The following C2CD2 variants were observed in gnomAD, a reference collection of about 807,000 sequenced individuals.
The protein encoded by C2CD2 is C2 calcium dependent domain containing 2, also known as C2 domain-containing protein 2.
Under a neutral mutation model 74.3 loss-of-function variants are expected in C2CD2, and 43 were observed. The observed-to-expected ratio is 0.58, with a 90% CI of 0.45 to 0.75. The LOEUF (loss-of-function observed/expected upper bound fraction) is 0.75. Ranked by LOEUF, C2CD2 falls within the 30% of genes least tolerant of loss-of-function variation. The pLI, the probability that C2CD2 is intolerant of heterozygous loss-of-function variation, is 0.00. For synonymous variants in C2CD2, 422 were observed against 390.7 expected (o/e 1.08, Z -0.94); for missense variants, 801 against 916.3 (o/e 0.87, Z 1.63).
In C2CD2 at chr21:41,885,326, C is replaced by T. The variant is rs3168; in HGVS notation, c.*3798G>A. 0.85 allele frequency: 130,239 copies of T among 152,464 alleles called. 55,840 individuals are homozygous for T. The highest frequency in any genetic ancestry group is 0.9 in the African/African-American group (37,528 of 41,510). The allele number at this position is 152,464 out of a possible 1,614,324, so 9.4% of individuals were successfully genotyped here. A position where few individuals can be genotyped will look rare whatever the true frequency, so the allele number is the denominator to read the frequency against. On this transcript the variant is annotated 3_prime_UTR_variant, in exon 14 of 14. Coordinates refer to ENST00000380486, the MANE Select transcript of C2CD2 (RefSeq NM_015500.2). ...TTCCGTGGACCTGGAAAACCTGCCACTTTCTTCTCTTTTTACAATGCAGTT... is the reference window on the plus strand; with the variant it reads ...TTCCGTGGACCTGGAAAACCTGCCATTTTCTTCTCTTTTTACAATGCAGTT...
chr21:41,953,302 A>G (rs1055525023), intron 1 of C2CD2, 68 bp downstream of exon 1: 118 of 1,126,820 alleles, frequency 1.0e-4, no homozygotes, highest in Non-Finnish European at 1.3e-4. Flanking sequence ...CGCCTCCAGG[A>G]AAGACCTCGG....
chr21:41,951,994 G>A (rs1343746667), intron 1 of C2CD2, among the ~76,000 whole-genome samples: 2 of 152,200 alleles, frequency 1.3e-5, no homozygotes, highest in Non-Finnish European at 1.5e-5. Context: ...AGCCTCAGAA[G>A]CCTTGATTCC....
chr21:41,904,871 GA>G (rs1321205381), intron 11 of C2CD2, among the ~76,000 whole-genome samples: 1 of 152,212 alleles, frequency 6.6e-6, no homozygotes, highest in Non-Finnish European at 1.5e-5. Flanking sequence ...GGCAAAGGGA[GA>G]AAGTTAATCC....
intron 1 of C2CD2, among the ~76,000 whole-genome samples, chr21:41,943,646 C>A (rs973930080): frequency 1.3e-5 from 2 of 152,152 alleles, no homozygotes; most frequent in Non-Finnish European, 2.9e-5. Flanking sequence ...AGAGGGGAAG[C>A]GGTGTAAAAC....
chr21:41,929,096 A>T lies in C2CD2; in HGVS notation c.379-7011T>A, dbSNP rs868624898. On this transcript the variant is annotated intron_variant, in intron 2 of 13. Coordinates refer to ENST00000380486, the MANE Select transcript of C2CD2 (RefSeq NM_015500.2). The surrounding 1 kb of genome is among the most constrained non-coding windows in gnomAD (Gnocchi z 4.6). ...GAGATCCCACCTCTAAAAAATATTT[A>T]AAAAGTAAAAAAAAAAAAAAGTAAT... 1.3e-5 allele frequency among the ~76,000 whole-genome samples: 2 copies of T among 150,760 alleles called. No individual in the cohort carries two copies. Among genetic ancestry groups the T allele is most frequent in the South Asian group, 4.2e-4 (2 of 4,802 alleles).
chr21:41,889,551 G>A (rs551642925), intron 13 of C2CD2, among the ~76,000 whole-genome samples: 51 of 152,236 alleles, frequency 3.4e-4, no homozygotes, highest in African/African-American at 1.2e-3. Context: ...AAAAGGAAAC[G>A]AGATTATAAC....
chr21:41,931,517 G>T lies in C2CD2; in HGVS notation c.379-9432C>A, dbSNP rs1235939627. On this transcript the variant is annotated intron_variant, in intron 2 of 13. Transcript: ENST00000380486. ...GGCTCACTGCAACCTCTGCTTCCCAGATTCAAGCAATTCCCCTGCCTCAGC... is the reference window on the plus strand; with the variant it reads ...GGCTCACTGCAACCTCTGCTTCCCATATTCAAGCAATTCCCCTGCCTCAGC... Among the ~76,000 whole-genome samples the T allele has an allele frequency of 4.8e-5, 7 of 147,264 alleles. 1 individual carries two copies. Among genetic ancestry groups the T allele is most frequent in the Non-Finnish European group, 9.1e-5 (6 of 66,280 alleles).
rs2064708910 is a variant in C2CD2 at position 41,888,452 on chromosome 21, AAC to A, written c.*670_*671del. On this transcript the variant is annotated 3_prime_UTR_variant, in exon 14 of 14. Transcript: ENST00000380486. ...TCCACTTGCAAGTAGGCTCAAAGTAAACTTAGAAAAGTGTTCTGCATACTATG... is the reference window on the plus strand; with the variant it reads ...TCCACTTGCAAGTAGGCTCAAAGTAATTAGAAAAGTGTTCTGCATACTATG... The A allele has an allele frequency of 6.5e-6, 1 of 152,696 alleles. No individual in the cohort carries two copies. Among genetic ancestry groups the A allele is most frequent in the Admixed American group, 6.5e-5 (1 of 15,280 alleles). The allele number at this position is 152,696 out of a possible 1,614,324, so 9.5% of individuals were successfully genotyped here.
chr21:41,907,874 C>G (rs2064982938), intron 8 of C2CD2, 90 bp from the exon 9 acceptor site: 15 of 1,378,934 alleles, frequency 1.1e-5, no homozygotes, highest in Non-Finnish European at 1.3e-5. Context: ...GCAGCCGGAA[C>G]ACGCTCCTCC....
chr21:41,896,422 T>C (rs987672493), intron 13 of C2CD2, among the ~76,000 whole-genome samples: 9 of 152,118 alleles, frequency 5.9e-5, no homozygotes, highest in Non-Finnish European at 1.2e-4. Context: ...AAGTTTTTTT[T>C]CCGAAAACCT....
chr21:41,921,422 G>A (rs2065152659), intron 3 of C2CD2, among the ~76,000 whole-genome samples: 1 of 152,182 alleles, frequency 6.6e-6, no homozygotes, highest in African/African-American at 2.4e-5. Flanking sequence ...AGATCCGTAA[G>A]TCTCTCTCTA....
chr21:41,953,241 G>A (rs2065464736), intron 1 of C2CD2, 129 bp downstream of exon 1: 2 of 491,396 alleles, frequency 4.1e-6, no homozygotes, highest in Admixed American at 4.4e-5. Flanking sequence ...TCTCGAGGAT[G>A]GTCTGCGCTG....
intron 3 of C2CD2, among the ~76,000 whole-genome samples, chr21:41,920,724 C>A (rs2065146410): frequency 6.6e-6 from 1 of 152,212 alleles, no homozygotes; most frequent in Non-Finnish European, 1.5e-5. Flanking sequence ...ATATTGGTTC[C>A]TAACTGTGTT....
chr21:41,933,540 G>A (rs1044149700), intron 2 of C2CD2, among the ~76,000 whole-genome samples: 2 of 152,196 alleles, frequency 1.3e-5, no homozygotes, highest in African/African-American at 4.8e-5. Flanking sequence ...TAAGCTGGCT[G>A]GATGCCTTTG....
rs1452191196 is a variant in C2CD2 at position 41,918,099 on chromosome 21, G to C, written c.720+6C>G. On this transcript the variant is annotated splice_donor_region_variant and intron_variant, in intron 5 of 13. Coordinates refer to ENST00000380486, the MANE Select transcript of C2CD2 (RefSeq NM_015500.2). ...AGATGCACCCACAGCACCCAGATGA[G>C]TTTACCTGAGCTTCCTTTACAGTCG... is the stretch of plus-strand genomic sequence containing the variant. 6.2e-7 allele frequency: 1 copy of C among 1,614,142 alleles called. No individual in the cohort carries two copies.
chr21:41,953,892 G>T lies in C2CD2; in HGVS notation c.-244C>A. The T allele has an allele frequency of 4.8e-6, 1 of 209,962 alleles. No homozygotes were observed. The highest frequency in any genetic ancestry group is 9.2e-6 in the Non-Finnish European group (1 of 108,436). The allele number at this position is 209,962 out of a possible 1,614,324, so 13.0% of individuals were successfully genotyped here. On this transcript the variant is annotated 5_prime_UTR_variant, in exon 1 of 14. Coordinates refer to ENST00000380486, the MANE Select transcript of C2CD2 (RefSeq NM_015500.2). ...CACCTGCGGAACAGGGGCGCGAGCGGACCCCGCGGCCCGCGCTCCCGACTC... is the reference window on the plus strand; with the variant it reads ...CACCTGCGGAACAGGGGCGCGAGCGTACCCCGCGGCCCGCGCTCCCGACTC...
In C2CD2 at chr21:41,887,582, G is replaced by C. The variant is rs1024430549; in HGVS notation, c.*1542C>G. ...TCCTATAATTTTGGTTTTTATATAG[G>C]TTTTTACTAAAAAAGAAAAAAATCC... On this transcript the variant is annotated 3_prime_UTR_variant, in exon 14 of 14. Coordinates refer to ENST00000380486, the MANE Select transcript of C2CD2 (RefSeq NM_015500.2). The C allele has an allele frequency of 6.6e-6, 1 of 150,380 alleles. No individual in the cohort carries two copies. The highest frequency in any genetic ancestry group is 1.5e-5 in the Non-Finnish European group (1 of 67,810). 9.3% of individuals were successfully genotyped at this position (150,380 alleles called of 1,614,324 possible).
chr21:41,938,684 C>T (rs972673720), intron 2 of C2CD2, among the ~76,000 whole-genome samples: 3 of 151,928 alleles, frequency 2.0e-5, no homozygotes, highest in African/African-American at 7.3e-5. Flanking sequence ...TTTCACTGAA[C>T]ATAATGTCCT....
In C2CD2 at chr21:41,923,108, G is replaced by T. The variant is rs1175088549; in HGVS notation, c.379-1023C>A. ...CCTCCCGGGTTCACACGATTCTCCTGCCTCAAACTCCCGAGTGGCTGGGTT... is the reference window on the plus strand; with the variant it reads ...CCTCCCGGGTTCACACGATTCTCCTTCCTCAAACTCCCGAGTGGCTGGGTT... On this transcript the variant is annotated intron_variant, in intron 2 of 13. Transcript: ENST00000380486. This position sits in a 1 kb window ranked among gnomAD's most constrained non-coding sequence, Gnocchi z 5.8. Among the ~76,000 whole-genome samples, 1 of 151,550 alleles carries T rather than the reference G, an allele frequency of 6.6e-6. No homozygotes were observed. Among genetic ancestry groups the T allele is most frequent in the Admixed American group, 6.6e-5 (1 of 15,178 alleles).
Sources: gnomAD v4.1 joint callset for allele counts (sites outside exome capture counted in the v4.1 genomes callset) on GRCh38, gnomAD v4.1.1 for gene constraint, Gnocchi (gnomAD v3.1) non-coding constraint, MANE v1.5 for transcripts, NCBI Gene and HGNC (gene_info 2026-07-23, HGNC 2026-07-21) for gene names.